PIK3C2A: variants seen among roughly 807,000 people sequenced by gnomAD.
PIK3C2A encodes the protein phosphatidylinositol-4-phosphate 3-kinase catalytic subunit type 2 alpha.
Under a neutral mutation model 204.5 loss-of-function variants are expected in PIK3C2A, and 97 were observed. The observed-to-expected ratio is 0.47, with a 90% CI of 0.40 to 0.56. The LOEUF (loss-of-function observed/expected upper bound fraction) is 0.56, where lower values mean the gene tolerates loss of function less well. Among genes scored for constraint, PIK3C2A ranks in the 20% least tolerant of loss-of-function variants. The pLI, the probability that PIK3C2A is intolerant of heterozygous loss-of-function variation, is 0.00. For missense variants in PIK3C2A, 1,735 were observed against 1,969.2 expected (o/e 0.88, Z 2.25); for synonymous variants, 653 against 664.4 (o/e 0.98, Z 0.26).
chr11:17,166,357 G>A (rs1019312670), intron 2 of PIK3C2A, among the ~76,000 whole-genome samples: 8 of 152,082 alleles, frequency 5.3e-5, no homozygotes, highest in Admixed American at 5.2e-4. Context: ...CTTGGGTTCC[G>A]AATCCCAGTC....
chr11:17,195,063 C>T (rs574123956), intron 1 of PIK3C2A, among the ~76,000 whole-genome samples: 12 of 152,196 alleles, frequency 7.9e-5, no homozygotes, highest in East Asian at 3.9e-4. Flanking sequence ...CTTCCTCATT[C>T]GAATCTAACT....
chr11:17,173,646 G>C (rs544887891), intron 1 of PIK3C2A, among the ~76,000 whole-genome samples: 24 of 152,170 alleles, frequency 1.6e-4, no homozygotes, highest in African/African-American at 5.5e-4. Flanking sequence ...AAAATGTCCT[G>C]ATTAACACAG....
At chr11:17,193,000 C>T (rs1213830352) in intron 1 of PIK3C2A, among the ~76,000 whole-genome samples, 1 of 119,304 alleles carries the variant, frequency 8.4e-6, no homozygotes. Flanking sequence ...CACACAATGT[C>T]ATAATTGTGG....
At chr11:17,195,540 T>C (rs905510053) in intron 1 of PIK3C2A, among the ~76,000 whole-genome samples, 2 of 149,302 alleles carry the variant, frequency 1.3e-5, no homozygotes, top group East Asian at 4.0e-4. Flanking sequence ...GCCAACATGG[T>C]GAAACTCCAT....
At chr11:17,171,881 G>T (rs1174018148) in intron 1 of PIK3C2A, among the ~76,000 whole-genome samples, 2 of 152,180 alleles carry the variant, frequency 1.3e-5, no homozygotes, top group African/African-American at 4.8e-5. Context: ...TTACAGGCAT[G>T]ATCCACTGTG....
At chr11:17,146,060 G>A in intron 6 of PIK3C2A, 118 bp from the exon 7 acceptor site, 1 of 626,832 alleles carries the variant, frequency 1.6e-6, no homozygotes, top group East Asian at 2.8e-5. Flanking sequence ...TCTGAGAACT[G>A]AAAATAAAAT....
chr11:17,120,185 T>C (rs1849326407), intron 15 of PIK3C2A, among the ~76,000 whole-genome samples: 7 of 152,144 alleles, frequency 4.6e-5, no homozygotes. Context: ...TATGTCTTGA[T>C]AAAAGATGCT....
At chr11:17,127,275 T>C (rs955859948) in intron 13 of PIK3C2A, among the ~76,000 whole-genome samples, 16 of 152,164 alleles carry the variant, frequency 1.1e-4, no homozygotes, top group Non-Finnish European at 2.9e-5. Context: ...GGGAAGCGAC[T>C]AAAATAAAGA....
At chr11:17,117,394 G>T in intron 19 of PIK3C2A, 97 bp downstream of exon 19, 1 of 738,342 alleles carries the variant, frequency 1.4e-6, no homozygotes, top group Non-Finnish European at 2.3e-6. Flanking sequence ...GTTCTACTGG[G>T]AGTCTACCAA....
intron 27 of PIK3C2A, among the ~76,000 whole-genome samples, chr11:17,094,791 GA>G (rs1304055662): frequency 3.3e-5 from 5 of 152,264 alleles, no homozygotes; most frequent in Admixed American, 2.0e-4. Flanking sequence ...TTTCCTGACA[GA>G]AAAGAAATTT....
At chr11:17,135,086 A>C (rs1224740366) in intron 10 of PIK3C2A, 25 bp downstream of exon 10, 1 of 1,613,412 alleles carries the variant, frequency 6.2e-7, no homozygotes, top group Non-Finnish European at 8.5e-7. Context: ...GATTATTGCT[A>C]AAATTTAAAG....
intron 2 of PIK3C2A, among the ~76,000 whole-genome samples, chr11:17,157,432 C>T (rs185718023): frequency 6.8e-6 from 1 of 146,336 alleles, no homozygotes; most frequent in Non-Finnish European, 1.5e-5. Context: ...TGCACTCCAG[C>T]CTGGGCAACA....
At chr11:17,153,171 C>A (rs1351253989) in intron 3 of PIK3C2A, among the ~76,000 whole-genome samples, 1 of 152,226 alleles carries the variant, frequency 6.6e-6, no homozygotes, top group East Asian at 1.9e-4. Flanking sequence ...GTGGCTCACA[C>A]CTGTAATGCC....
chr11:17,155,489 T>G (rs1850557372), intron 3 of PIK3C2A, 37 bp downstream of exon 3: 2 of 1,230,556 alleles, frequency 1.6e-6, no homozygotes, highest in African/African-American at 3.0e-5. Context: ...TTCAAGTGAA[T>G]TTTTCAAATG....
At chr11:17,100,013 A>G in intron 25 of PIK3C2A, 44 bp from the exon 26 acceptor site, 2 of 930,014 alleles carry the variant, frequency 2.2e-6, no homozygotes, top group Non-Finnish European at 3.5e-6. Context: ...ATTTTTTAAA[A>G]CATTTGTTCC....
chr11:17,146,580 G>A lies in PIK3C2A; in HGVS notation c.1561-638C>T, dbSNP rs528529911. Among the ~76,000 whole-genome samples, 15 of 152,062 alleles carry A rather than the reference G, an allele frequency of 9.9e-5. No individual in the cohort carries two copies. In the South Asian group the frequency reaches 1.2e-3, roughly 13 times the overall value. On this transcript the variant is annotated intron_variant, in intron 6 of 32. Coordinates refer to ENST00000691414, the MANE Select transcript of PIK3C2A (RefSeq NM_002645.4). ...ATACAAAAAAAAAAAAATTAGCTGG[G>A]TGGGTTGGTGCATGCCCGCAGTTCC...
At chr11:17,126,852 T>TA (rs1849542745) in intron 13 of PIK3C2A, among the ~76,000 whole-genome samples, 1 of 152,228 alleles carries the variant, frequency 6.6e-6, no homozygotes, top group African/African-American at 2.4e-5. Flanking sequence ...AAGAATATTA[T>TA]ATCATTTATC....
chr11:17,161,311 G>A (rs1850769270), intron 2 of PIK3C2A, among the ~76,000 whole-genome samples: 1 of 152,146 alleles, frequency 6.6e-6, no homozygotes, highest in African/African-American at 2.4e-5. Flanking sequence ...TATATTTACT[G>A]TTCAAATATA....
intron 1 of PIK3C2A, among the ~76,000 whole-genome samples, chr11:17,198,661 AT>A (rs1306626784): frequency 6.6e-6 from 1 of 152,174 alleles, no homozygotes; most frequent in Non-Finnish European, 1.5e-5. Flanking sequence ...GCACAGTGGC[AT>A]GCATCTGTAC....
Sources: gnomAD v4.1 joint callset for allele counts (sites outside exome capture counted in the v4.1 genomes callset) on GRCh38, gnomAD v4.1.1 for gene constraint, MANE v1.5 for transcripts, NCBI Gene and HGNC (gene_info 2026-07-23, HGNC 2026-07-21) for gene names.